NKAIN2: variants seen among roughly 807,000 people sequenced by gnomAD.
NKAIN2 encodes sodium/potassium-transporting ATPase subunit beta-1-interacting protein 2.
NKAIN2 carries 14 observed loss-of-function variants against 32.6 expected under a neutral mutation model. The observed-to-expected ratio is 0.43, with a 90% CI of 0.28 to 0.67. The LOEUF (loss-of-function observed/expected upper bound fraction) is 0.67, where lower values mean the gene tolerates loss of function less well. NKAIN2 is among the 30% of genes least tolerant of loss of function. NKAIN2 has a pLI of 0.17. For missense variants in NKAIN2, 198 were observed against 258.3 expected, an observed-to-expected ratio of 0.77 and a Z score of 1.60; for synonymous variants, 80 against 87.2, an observed-to-expected ratio of 0.92 and a Z score of 0.46.
At chr6:124,766,815 T>C (rs1258893326) in intron 4 of NKAIN2, among the ~76,000 whole-genome samples, 2 of 152,218 alleles carry the variant, frequency 1.3e-5, no homozygotes, top group African/African-American at 4.8e-5. Flanking sequence ...GGTAAAGGAA[T>C]TGAAATCAGA....
intron 3 of NKAIN2, among the ~76,000 whole-genome samples, chr6:124,406,013 G>GTGTGTGTGTGTGT (rs1773841729): frequency 6.7e-6 from 1 of 148,460 alleles, no homozygotes; most frequent in Non-Finnish European, 1.5e-5. Flanking sequence ...TTACCACCAC[G>GTGTGTGTGTGTGT]GTGTGTGTGT....
chr6:124,558,944 C>T (rs1049227144), intron 3 of NKAIN2, among the ~76,000 whole-genome samples: 2 of 132,108 alleles, frequency 1.5e-5, no homozygotes, highest in African/African-American at 5.6e-5. Context: ...AGTGAAACTC[C>T]ATCTCAAACA....
intron 3 of NKAIN2, among the ~76,000 whole-genome samples, chr6:124,357,927 AC>A (rs141180376): frequency 0.15 from 22,649 of 151,518 alleles, 2,258 homozygotes; most frequent in African/African-American, 0.29. Context: ...CCCTCCCCCA[AC>A]CCGCACGCCA....
At chr6:124,302,198 G>C (rs898263339) in intron 2 of NKAIN2, among the ~76,000 whole-genome samples, 1 of 152,178 alleles carries the variant, frequency 6.6e-6, no homozygotes, top group Non-Finnish European at 1.5e-5. Context: ...AGGTGACTTT[G>C]CTCCTCCTTC....
At chr6:124,074,777 G>A (rs986778647) in intron 1 of NKAIN2, among the ~76,000 whole-genome samples, 27 of 152,112 alleles carry the variant, frequency 1.8e-4, no homozygotes, top group African/African-American at 6.3e-4. Flanking sequence ...CATGGAACTG[G>A]TGTTTCTGTT....
At chr6:124,546,081 CCGATGTTGTTAT>C (rs1261134322) in intron 3 of NKAIN2, among the ~76,000 whole-genome samples, 3 of 152,026 alleles carry the variant, frequency 2.0e-5, no homozygotes, top group African/African-American at 7.3e-5. Context: ...GGTTAAAGTT[CCGATGTTGTTAT>C]CGACAAAAAA....
intron 1 of NKAIN2, among the ~76,000 whole-genome samples, chr6:123,815,888 C>T (rs1038964156): frequency 1.3e-5 from 2 of 151,826 alleles, no homozygotes; most frequent in Non-Finnish European, 2.9e-5. Context: ...GGAATAGAAC[C>T]AAACTGACCT....
At chr6:124,711,683 C>T (rs1327511585) in intron 4 of NKAIN2, among the ~76,000 whole-genome samples, 4 of 151,842 alleles carry the variant, frequency 2.6e-5, no homozygotes, top group Admixed American at 6.6e-5. Context: ...CTCCTTTAAG[C>T]ATTTCTCTGT....
intron 3 of NKAIN2, among the ~76,000 whole-genome samples, chr6:124,370,551 A>G (rs1799714011): frequency 6.6e-6 from 1 of 152,108 alleles, no homozygotes; most frequent in Non-Finnish European, 1.5e-5. Flanking sequence ...AGCATAATAT[A>G]TAAAACTGAA....
At chr6:124,145,176 G>A (rs1320568702) in intron 1 of NKAIN2, among the ~76,000 whole-genome samples, 1 of 152,118 alleles carries the variant, frequency 6.6e-6, no homozygotes, top group Non-Finnish European at 1.5e-5. Context: ...CATTTCTGGT[G>A]GAAATGAAAA....
chr6:124,175,789 A>G (rs1355101222), intron 1 of NKAIN2, among the ~76,000 whole-genome samples: 1 of 152,144 alleles, frequency 6.6e-6, no homozygotes, highest in Non-Finnish European at 1.5e-5. Flanking sequence ...TTTCCAATCT[A>G]CGATTTGCTA....
intron 3 of NKAIN2, among the ~76,000 whole-genome samples, chr6:124,651,435 C>T (rs912044111): frequency 1.3e-5 from 2 of 152,172 alleles, no homozygotes; most frequent in Admixed American, 6.5e-5. Context: ...GACTCTGCCC[C>T]GAAGCAGGTT....
intron 1 of NKAIN2, among the ~76,000 whole-genome samples, chr6:124,030,439 A>G (rs1310830935): frequency 6.6e-6 from 1 of 152,158 alleles, no homozygotes; most frequent in Non-Finnish European, 1.5e-5. Context: ...CTATCCCGTC[A>G]TTTCCACAAA....
intron 1 of NKAIN2, among the ~76,000 whole-genome samples, chr6:123,979,836 T>C (rs181576171): frequency 5.8e-4 from 88 of 152,282 alleles, no homozygotes; most frequent in Non-Finnish European, 1.0e-3. Context: ...GACAAGACAA[T>C]AAAATCTGAG....
intron 3 of NKAIN2, among the ~76,000 whole-genome samples, chr6:124,494,593 T>C (rs1227532605): frequency 1.3e-5 from 2 of 152,120 alleles, no homozygotes; most frequent in Non-Finnish European, 2.9e-5. Context: ...TTTAAAATCA[T>C]AACAGATAAA....
intron 1 of NKAIN2, among the ~76,000 whole-genome samples, chr6:124,047,050 A>G (rs1196835353): frequency 6.6e-6 from 1 of 151,950 alleles, no homozygotes; most frequent in Admixed American, 6.6e-5. Context: ...CATGTGCCCA[A>G]TCTTAGGTTT....
chr6:124,410,187 C>T (rs1054280323), intron 3 of NKAIN2, among the ~76,000 whole-genome samples: 2 of 151,828 alleles, frequency 1.3e-5, no homozygotes, highest in African/African-American at 4.8e-5. Flanking sequence ...TTGTGTCTCT[C>T]TCTCCTTCAG....
At chr6:124,288,096 G>A (rs944553814) in intron 2 of NKAIN2, among the ~76,000 whole-genome samples, 2 of 152,094 alleles carry the variant, frequency 1.3e-5, no homozygotes, top group Admixed American at 6.6e-5. Flanking sequence ...AGTAATATTT[G>A]TAAGAATAAT....
At chr6:124,512,923 G>C (rs772758829) in intron 3 of NKAIN2, among the ~76,000 whole-genome samples, 1 of 151,996 alleles carries the variant, frequency 6.6e-6, no homozygotes, top group Non-Finnish European at 1.5e-5. Flanking sequence ...AAAATAGCAA[G>C]ACATTATATA....
Sources: allele counts gnomAD v4.1 joint callset (sites outside exome capture counted in the v4.1 genomes callset), GRCh38; gene constraint gnomAD v4.1.1; transcripts MANE v1.5; gene names NCBI Gene and HGNC (gene_info 2026-07-23, HGNC 2026-07-21).